Variants in DOCK8 observed in about 807,000 individuals in gnomAD.
The protein encoded by DOCK8 is dedicator of cytokinesis 8, also known as dedicator of cytokinesis protein 8.
Under a neutral mutation model 245.6 loss-of-function variants are expected in DOCK8, and 141 were observed. The ratio of observed to expected loss-of-function variants is 0.57; its 90% CI spans 0.50 to 0.66. DOCK8 has a LOEUF of 0.66. Ranked by LOEUF, DOCK8 falls within the 30% of genes least tolerant of loss-of-function variation. The pLI is 0.00. For missense variants in DOCK8, 2,965 were observed against 2,603.4 expected, an observed-to-expected ratio of 1.14 and a Z score of -3.02; for synonymous variants, 1,168 against 970.2, an observed-to-expected ratio of 1.20 and a Z score of -3.79.
chr9:463,400 A>G, intron 46 of DOCK8, 117 bp from the exon 47 acceptor site: 2 of 1,250,264 alleles, frequency 1.6e-6, no homozygotes, highest in Non-Finnish European at 2.3e-6. Context: ...CCGATATGCC[A>G]CCCAGTTTGA....
intron 1 of DOCK8, among the ~76,000 whole-genome samples, chr9:239,316 C>T (rs2047330307): frequency 6.6e-6 from 1 of 152,174 alleles, no homozygotes; most frequent in Non-Finnish European, 1.5e-5. Flanking sequence ...CCCTGGAGCT[C>T]ACATTTTCTG....
At chr9:352,913 A>T (rs751341298) in intron 14 of DOCK8, among the ~76,000 whole-genome samples, 3 of 152,010 alleles carry the variant, frequency 2.0e-5, no homozygotes, top group Non-Finnish European at 4.4e-5. Context: ...ACCATGTGTC[A>T]TTCAGGGACA....
In DOCK8 at chr9:334,337, A is replaced by G. The variant is rs10970979; in HGVS notation, c.1238A>G (p.Asn413Ser). ...CCCATAAGCTTATCAAGCTTCTTCA[A>G]TGTCTCCACCCTTGAGAGGGAGGTA... ...WAPISLSSFF[N>S]VSTLEREVTD... is the part of the protein sequence containing the mutation. The change falls in exon 11 of 48, where the codon AAT becomes AGT. Residue 413 changes from asparagine to serine, a missense_variant. Asn to Ser is a conservative substitution (Grantham distance 46, BLOSUM62 1). Transcript: ENST00000432829. The G allele has an allele frequency of 0.28, 458,124 of 1,613,726 alleles. 67,987 individuals are homozygous for G. The highest frequency in any genetic ancestry group is 0.33 in the Middle Eastern group (1,979 of 6,056).
chr9:291,613 G>A (rs897871783), intron 4 of DOCK8, among the ~76,000 whole-genome samples: 1 of 151,834 alleles, frequency 6.6e-6, no homozygotes, highest in Non-Finnish European at 1.5e-5. Flanking sequence ...TAATATTTAG[G>A]TGATTCCTTC....
At chr9:247,982 TAAAAAA>T (rs61282524) in intron 1 of DOCK8, among the ~76,000 whole-genome samples, 1 of 145,080 alleles carries the variant, frequency 6.9e-6, no homozygotes, top group African/African-American at 2.5e-5. Context: ...TTCTCTAAGT[TAAAAAA>T]AAAAAAAAGA....
chr9:214,524 G>A, upstream of DOCK8: 1 of 1,613,174 alleles, frequency 6.2e-7, no homozygotes, highest in African/African-American at 1.3e-5. Context: ...AATCCCTGGG[G>A]TGATTCCCGA....
chr9:224,780 G>A lies in DOCK8; in HGVS notation c.53+9751G>A, dbSNP rs148495397. 4.1e-4 allele frequency among the ~76,000 whole-genome samples: 62 copies of A among 152,246 alleles called. No individual in the cohort carries two copies. The East Asian group carries it at 9.6e-3, about 24-fold the overall frequency. On this transcript the variant is annotated intron_variant, in intron 1 of 47. Coordinates refer to ENST00000432829, the MANE Select transcript of DOCK8 (RefSeq NM_203447.4). ...CCCTAAGGGGTACTAGTCATCATAC[G>A]GCATTTATACTAGCATTGCAGTCCA...
intron 5 of DOCK8, among the ~76,000 whole-genome samples, chr9:310,266 TA>T (rs56099733): frequency 2.1e-4 from 31 of 145,822 alleles, no homozygotes; most frequent in Non-Finnish European, 2.9e-4. Context: ...AAACTCCGTC[TA>T]AAAAAAAAAA....
chr9:449,865 C>G lies in DOCK8; in HGVS notation c.5899C>G (p.Pro1967Ala), dbSNP rs750736390. ...GTTAGCAGTTGCCATTAACCAGGAG[C>G]CGCCTGATGCAAAGATGCTTCAGAT... Reference protein sequence around the residue: ...LQLAVAINQEPPDAKMLQMVL... With the variant: ...LQLAVAINQEAPDAKMLQMVL... The change falls in exon 45 of 48, where the codon CCG (proline) becomes GCG (alanine). Residue 1967 changes from proline (P) to alanine (A), a missense_variant. Transcript: ENST00000432829. The G allele has an allele frequency of 6.2e-7, 1 of 1,613,746 alleles. No individual in the cohort carries two copies. Among genetic ancestry groups the G allele is most frequent in the Non-Finnish European group, 8.5e-7 (1 of 1,180,022 alleles).
intron 27 of DOCK8, among the ~76,000 whole-genome samples, 187 bp downstream of exon 27, chr9:405,260 G>T (rs1191794546): frequency 6.6e-6 from 1 of 152,036 alleles, no homozygotes; most frequent in African/African-American, 2.4e-5. Context: ...CTAAGTAATT[G>T]GTTTCTCCCC....
chr9:445,418 T>C (rs1402118988), intron 43 of DOCK8, among the ~76,000 whole-genome samples: 3 of 152,214 alleles, frequency 2.0e-5, no homozygotes, highest in Non-Finnish European at 4.4e-5. Context: ...TCACTTTTTT[T>C]CCTAAGAGAT....
At chr9:231,180 T>C (rs2047108438) in intron 1 of DOCK8, among the ~76,000 whole-genome samples, 1 of 152,194 alleles carries the variant, frequency 6.6e-6, no homozygotes, top group Non-Finnish European at 1.5e-5. Flanking sequence ...ATTGCTTGTT[T>C]TTGTCAGGTT....
chr9:428,507 G>C lies in DOCK8; in HGVS notation c.4473+11G>C, dbSNP rs2056584021. ...GCTCTCATCGCCAAGGTAAACTTGG[G>C]ATGCTTGTTTTCTTCCTCTTAATTA... On this transcript the variant is annotated intron_variant, in intron 35 of 47. Coordinates refer to ENST00000432829, the MANE Select transcript of DOCK8 (RefSeq NM_203447.4). 1.9e-6 allele frequency: 3 copies of C among 1,613,952 alleles called. No individual in the cohort carries two copies. The highest frequency in any genetic ancestry group is 3.3e-5 in the Admixed American group (2 of 59,990).
rs540300626 is a variant in DOCK8, at chr9:398,208, C to A, written c.3121-938C>A. Among the ~76,000 whole-genome samples, 10 of 152,216 alleles carry A rather than the reference C, an allele frequency of 6.6e-5. No homozygotes were observed. In the East Asian group the frequency reaches 1.7e-3, roughly 26 times the overall value. On this transcript the variant is annotated intron_variant, in intron 25 of 47. Coordinates refer to ENST00000432829, the MANE Select transcript of DOCK8 (RefSeq NM_203447.4). The stretch of plus-strand genomic sequence containing the variant: ...CACACAGCCAGCAGTAAAGCCAAGA[C>A]TGGAGATTTTAGACCCAGATACTGA...
chr9:236,956 C>G lies in DOCK8; in HGVS notation c.53+21927C>G, dbSNP rs530839426. ...TCTACTCACACTTCCCTGGGGAGGA[C>G]TGCTTACAAGATTCATCAATCTGCA... On this transcript the variant is annotated intron_variant, in intron 1 of 47. Transcript: ENST00000432829. Among the ~76,000 whole-genome samples, 3 of 152,342 alleles carry G rather than the reference C, an allele frequency of 2.0e-5. No homozygotes were observed. In the East Asian group the frequency reaches 5.8e-4, roughly 29 times the overall value.
At chr9:464,036 T>C in intron 47 of DOCK8, 123 bp from the exon 48 acceptor site, 1 of 866,702 alleles carries the variant, frequency 1.2e-6, no homozygotes, top group Non-Finnish European at 2.0e-6. Flanking sequence ...TGCTGAGTTG[T>C]CCATGACTGA....
chr9:312,855 G>GACCAC, intron 6 of DOCK8: 1 of 173,036 alleles, frequency 5.8e-6, no homozygotes. Context: ...TCCCCTCTGC[G>GACCAC]TGAGGTTATC....
At chr9:462,999 A>G (rs892174613) in intron 46 of DOCK8, among the ~76,000 whole-genome samples, 8 of 152,224 alleles carry the variant, frequency 5.3e-5, no homozygotes, top group Non-Finnish European at 8.8e-5. Context: ...CAGATAATGC[A>G]TGTAAAACTT....
intron 9 of DOCK8, 117 bp from the exon 10 acceptor site, chr9:332,279 TCA>T (rs1174432225): frequency 1.4e-6 from 1 of 700,746 alleles, no homozygotes; most frequent in Non-Finnish European, 2.5e-6. Context: ...AAAATATGTA[TCA>T]CAGATAGCTT....
Sources: allele counts gnomAD v4.1 joint callset (sites outside exome capture counted in the v4.1 genomes callset), GRCh38; gene constraint gnomAD v4.1.1; transcripts MANE v1.5; gene names NCBI Gene and HGNC (gene_info 2026-07-23, HGNC 2026-07-21).